Variants in CDKN2B-AS1 observed in about 807,000 individuals in gnomAD.
CDKN2B-AS1 encodes the protein CDKN2B and CDKN2A antisense cis and trans regulatory RNA 1.
At chr9:22,067,690 G>C (rs561785719) in intron 4 of CDKN2B-AS1, among the ~76,000 whole-genome samples, 2 of 152,106 alleles carry the variant, frequency 1.3e-5, no homozygotes, top group South Asian at 4.1e-4. Context: ...CATAGCAGGG[G>C]TTTCATAAAT....
chr9:22,066,483 C>A (rs1824046631), intron 4 of CDKN2B-AS1: 1 of 151,998 alleles, frequency 6.6e-6, no homozygotes, highest in African/African-American at 2.4e-5. Context: ...ACATGAGCCA[C>A]TGCACTAAGC....
At chr9:22,117,093 T>C (rs1825969976) in intron 4 of CDKN2B-AS1, among the ~76,000 whole-genome samples, 1 of 152,240 alleles carries the variant, frequency 6.6e-6, no homozygotes, top group East Asian at 1.9e-4. Context: ...ATCTTATGCA[T>C]GCAGAAGAAA....
At chr9:22,106,362 T>C (rs1210447566) in intron 4 of CDKN2B-AS1, among the ~76,000 whole-genome samples, 1 of 152,160 alleles carries the variant, frequency 6.6e-6, no homozygotes, top group African/African-American at 2.4e-5. Flanking sequence ...ATTACAGGCA[T>C]GAGCCACTGT....
At chr9:22,071,162 C>T (rs567227855) in intron 4 of CDKN2B-AS1, among the ~76,000 whole-genome samples, 1 of 149,812 alleles carries the variant, frequency 6.7e-6, no homozygotes. Flanking sequence ...CTGGCCTCTT[C>T]ATTTTACAAC....
chr9:22,071,285 CTTTTTTTTTT>C (rs71336509), intron 4 of CDKN2B-AS1, among the ~76,000 whole-genome samples: 14,978 of 67,312 alleles, frequency 0.22, 1,642 homozygotes, highest in African/African-American at 0.39. Context: ...AAATATCTAG[CTTTTTTTTTT>C]TTTTTTTTTT....
At chr9:22,100,341 A>G (rs980450099) in intron 4 of CDKN2B-AS1, among the ~76,000 whole-genome samples, 1 of 152,146 alleles carries the variant, frequency 6.6e-6, no homozygotes, top group Non-Finnish European at 1.5e-5. Context: ...CCAGGCAACC[A>G]TAATCTTCCA....
chr9:22,025,485 G>C (rs1289952077), intron 1 of CDKN2B-AS1, among the ~76,000 whole-genome samples: 1 of 152,188 alleles, frequency 6.6e-6, no homozygotes, highest in Non-Finnish European at 1.5e-5. Context: ...GATATCTCTG[G>C]TGGGGTGTGG....
At chr9:22,095,662 T>C (rs561408136) in intron 4 of CDKN2B-AS1, among the ~76,000 whole-genome samples, 2 of 148,444 alleles carry the variant, frequency 1.3e-5, no homozygotes, top group Admixed American at 1.3e-4. Context: ...TCTGTCTCGT[T>C]GATCTGTCTA....
intron 4 of CDKN2B-AS1, among the ~76,000 whole-genome samples, chr9:22,072,367 G>C (rs1317042364): frequency 6.6e-6 from 1 of 152,202 alleles, no homozygotes; most frequent in Non-Finnish European, 1.5e-5. Context: ...CTACATTTGA[G>C]TAGTTCCATT....
chr9:22,083,718 T>G (rs1002801766), intron 4 of CDKN2B-AS1, among the ~76,000 whole-genome samples: 3 of 152,192 alleles, frequency 2.0e-5, no homozygotes, highest in Admixed American at 6.5e-5. Flanking sequence ...CATCCAGGTT[T>G]CTGAATTTTG....
intron 1 of CDKN2B-AS1, among the ~76,000 whole-genome samples, chr9:22,042,348 G>A (rs1277887089): frequency 6.6e-6 from 1 of 152,010 alleles, no homozygotes; most frequent in Non-Finnish European, 1.5e-5. Flanking sequence ...AAGGGTCTAT[G>A]AACAATTATA....
chr9:22,022,049 T>C (rs2131224789), intron 1 of CDKN2B-AS1, among the ~76,000 whole-genome samples: 1 of 152,296 alleles, frequency 6.6e-6, no homozygotes, highest in East Asian at 1.9e-4. Context: ...TTCTTTTGCA[T>C]TTGCTGAGGA....
chr9:22,073,839 A>G (rs1159524701), intron 4 of CDKN2B-AS1, among the ~76,000 whole-genome samples: 1 of 151,910 alleles, frequency 6.6e-6, no homozygotes, highest in African/African-American at 2.4e-5. Flanking sequence ...TGTAGTCTAG[A>G]TCTAAAGTCA....
At chr9:22,072,235 G>C (rs1397397853) in intron 4 of CDKN2B-AS1, among the ~76,000 whole-genome samples, 1 of 152,144 alleles carries the variant, frequency 6.6e-6, no homozygotes, top group Non-Finnish European at 1.5e-5. Context: ...CATTATCATA[G>C]GCACTTAATT....
At position 22,085,090 on chromosome 9, in the gene CDKN2B-AS1, A is replaced by G. The variant is rs73650045; in HGVS notation, n.438+28703A>G. On this transcript the variant is annotated intron_variant and non_coding_transcript_variant, in intron 4 of 4. Coordinates refer to ENST00000650946, the Ensembl canonical transcript of CDKN2B-AS1. ...ATATGGTAACATTCTCATAGCTTTG[A>G]TAATCCCCAATAAACTGTGGTTACT... Among the ~76,000 whole-genome samples, 1,200 of 152,312 alleles carry G rather than the reference A, an allele frequency of 7.9e-3. 17 individuals carry two copies. Among genetic ancestry groups the G allele is most frequent in the African/African-American group, 0.027 (1,127 of 41,556 alleles).
intron 1 of CDKN2B-AS1, among the ~76,000 whole-genome samples, chr9:22,014,700 C>T (rs1045443040): frequency 6.6e-6 from 1 of 151,700 alleles, no homozygotes; most frequent in African/African-American, 2.4e-5. Context: ...TGCTGGTGTG[C>T]TGCACCCATT....
chr9:22,035,676 A>G (rs1822659013), intron 1 of CDKN2B-AS1, among the ~76,000 whole-genome samples: 1 of 152,090 alleles, frequency 6.6e-6, no homozygotes, highest in Non-Finnish European at 1.5e-5. Flanking sequence ...GTGAAAGGTC[A>G]CTGGCTGGTT....
chr9:22,084,336 A>G (rs1824796253), intron 4 of CDKN2B-AS1, among the ~76,000 whole-genome samples: 1 of 152,222 alleles, frequency 6.6e-6, no homozygotes. Context: ...ATAATCTACC[A>G]CTATTAAATT....
intron 1 of CDKN2B-AS1, chr9:22,008,707 C>G (rs372045410): frequency 6.2e-7 from 1 of 1,611,364 alleles, no homozygotes; most frequent in East Asian, 2.2e-5. Flanking sequence ...TACAAATCTA[C>G]ATCGGCGATC....
Sources: gnomAD v4.1 joint callset for allele counts (sites outside exome capture counted in the v4.1 genomes callset) on GRCh38, gnomAD v4.1.1 for gene constraint, MANE v1.5 for transcripts, NCBI Gene and HGNC (gene_info 2026-07-23, HGNC 2026-07-21) for gene names.